The following ADGRL3 variants were observed in gnomAD, a reference collection of about 807,000 sequenced individuals.
ADGRL3 encodes the protein adhesion G protein-coupled receptor L3.
ADGRL3 carries 62 observed loss-of-function variants against 153.5 expected under a neutral mutation model. The ratio of observed to expected loss-of-function variants is 0.40; its 90% CI spans 0.33 to 0.50. The LOEUF is 0.50. Ranked by LOEUF, ADGRL3 falls within the 20% of genes least tolerant of loss-of-function variation. The pLI is 0.47. For synonymous variants in ADGRL3, 710 were observed against 672.5 expected (o/e 1.06, Z -0.86); for missense variants, 1,641 against 1,859.4 (o/e 0.88, Z 2.16).
chr4:61,662,848 A>G (rs1357014823), intron 5 of ADGRL3, among the ~76,000 whole-genome samples: 3 of 152,166 alleles, frequency 2.0e-5, no homozygotes, highest in Non-Finnish European at 4.4e-5. Context: ...CTGCCTGTGG[A>G]GAGGTGCTAC....
intron 17 of ADGRL3, among the ~76,000 whole-genome samples, chr4:61,972,154 T>G (rs1280796194): frequency 1.3e-5 from 2 of 152,122 alleles, no homozygotes; most frequent in Admixed American, 1.3e-4. Context: ...AGAAGCTCTT[T>G]AGTTTAATTA....
intron 5 of ADGRL3, among the ~76,000 whole-genome samples, chr4:61,597,995 A>G (rs2098996197): frequency 6.6e-6 from 1 of 152,164 alleles, no homozygotes; most frequent in African/African-American, 2.4e-5. Flanking sequence ...TTTTCTCTGC[A>G]GAATTTATCA....
intron 4 of ADGRL3, among the ~76,000 whole-genome samples, chr4:61,561,517 G>A (rs1007267686): frequency 2.0e-5 from 3 of 151,898 alleles, no homozygotes; most frequent in African/African-American, 4.9e-5. Context: ...GATTCAGGGG[G>A]CTGGGGAAGA....
chr4:61,395,797 A>T (rs1177956369), intron 2 of ADGRL3, among the ~76,000 whole-genome samples: 1 of 151,998 alleles, frequency 6.6e-6, no homozygotes, highest in Non-Finnish European at 1.5e-5. Flanking sequence ...ACTGGCATGG[A>T]CTTCAATAAA....
At chr4:61,884,419 C>A (rs955248882) in intron 9 of ADGRL3, among the ~76,000 whole-genome samples, 55 of 152,138 alleles carry the variant, frequency 3.6e-4, no homozygotes, top group African/African-American at 1.3e-3. Context: ...GATTATTTCA[C>A]ACTATTGTTT....
rs868230947 is a variant in ADGRL3, at chr4:61,609,920, T to C, written c.473+22480T>C. 1.1e-4 allele frequency among the ~76,000 whole-genome samples: 16 copies of C among 152,058 alleles called. No individual in the cohort carries two copies. In the Middle Eastern group the frequency reaches 0.031, roughly 291 times the overall value. Reference sequence around the variant, plus strand: ...CCCAAAGAAATTGAAATGAAAGATATATAATAGGTACCAAAGATGTGTCAT... The same window carrying C: ...CCCAAAGAAATTGAAATGAAAGATACATAATAGGTACCAAAGATGTGTCAT... On this transcript the variant is annotated intron_variant, in intron 5 of 26. Coordinates refer to ENST00000683033, the MANE Select transcript of ADGRL3 (RefSeq NM_001387552.1).
intron 5 of ADGRL3, among the ~76,000 whole-genome samples, chr4:61,669,613 A>C (rs535400910): frequency 1.3e-5 from 2 of 152,280 alleles, no homozygotes; most frequent in East Asian, 1.9e-4. Flanking sequence ...CCATCTTCTT[A>C]TATGAATCAT....
intron 5 of ADGRL3, among the ~76,000 whole-genome samples, chr4:61,636,678 A>G (rs1489856423): frequency 6.6e-6 from 1 of 151,874 alleles, no homozygotes; most frequent in East Asian, 1.9e-4. Context: ...ATTTCAGAGA[A>G]TCGTATGTAA....
chr4:61,849,057 C>CTTGTTATATCATAACA (rs1361585101), intron 9 of ADGRL3, among the ~76,000 whole-genome samples: 2 of 152,132 alleles, frequency 1.3e-5, no homozygotes, highest in African/African-American at 4.8e-5. Flanking sequence ...AAGTTATACA[C>CTTGTTATATCATAACA]AGTGAAGTTA....
intron 2 of ADGRL3, among the ~76,000 whole-genome samples, chr4:61,468,829 T>C (rs1238338029): frequency 6.6e-6 from 1 of 152,166 alleles, no homozygotes; most frequent in Non-Finnish European, 1.5e-5. Flanking sequence ...TTGTCTGCTT[T>C]AGTTTTATCG....
intron 1 of ADGRL3, among the ~76,000 whole-genome samples, chr4:61,242,413 A>G (rs1318262408): frequency 6.6e-6 from 1 of 152,054 alleles, no homozygotes; most frequent in Non-Finnish European, 1.5e-5. Context: ...GTGAATTGCC[A>G]CAAGGAAGCC....
At chr4:61,842,592 T>G (rs2098049598) in intron 9 of ADGRL3, among the ~76,000 whole-genome samples, 1 of 152,080 alleles carries the variant, frequency 6.6e-6, no homozygotes, top group Admixed American at 6.6e-5. Flanking sequence ...AAAAAGCATC[T>G]GGCTGAAACA....
At chr4:61,713,066 T>C (rs921006152) in intron 6 of ADGRL3, among the ~76,000 whole-genome samples, 1 of 152,164 alleles carries the variant, frequency 6.6e-6, no homozygotes, top group Non-Finnish European at 1.5e-5. Context: ...TGCATAAATA[T>C]GTAATGATAA....
At chr4:61,866,985 G>A (rs931176916) in intron 9 of ADGRL3, among the ~76,000 whole-genome samples, 2 of 152,030 alleles carry the variant, frequency 1.3e-5, no homozygotes, top group African/African-American at 2.4e-5. Context: ...GACCGTATAA[G>A]GATTATATTG....
chr4:62,063,464 C>CTTTTTTTTT, intron 25 of ADGRL3: 2 of 521,726 alleles, frequency 3.8e-6, no homozygotes, highest in Non-Finnish European at 6.9e-6. Flanking sequence ...CCTGATTGAC[C>CTTTTTTTTT]TTTTTTTTTT....
chr4:61,950,732 A>G (rs1038746802), intron 17 of ADGRL3, among the ~76,000 whole-genome samples: 4 of 152,192 alleles, frequency 2.6e-5, no homozygotes, highest in Admixed American at 1.3e-4. Context: ...TGGCACTAGT[A>G]AAGTGTGGAG....
At chr4:61,690,592 A>G (rs957739665) in intron 6 of ADGRL3, among the ~76,000 whole-genome samples, 1 of 152,156 alleles carries the variant, frequency 6.6e-6, no homozygotes, top group African/African-American at 2.4e-5. Flanking sequence ...CTTAACTCTT[A>G]GAGAACACAT....
At chr4:61,735,602 GA>G (rs892560550) in intron 8 of ADGRL3, among the ~76,000 whole-genome samples, 2 of 152,112 alleles carry the variant, frequency 1.3e-5, no homozygotes, top group African/African-American at 4.8e-5. Context: ...TTTGGTTAGT[GA>G]AAACTTTGTT....
chr4:61,478,573 T>G (rs1011285733), intron 2 of ADGRL3, among the ~76,000 whole-genome samples: 1 of 152,090 alleles, frequency 6.6e-6, no homozygotes, highest in Non-Finnish European at 1.5e-5. Flanking sequence ...ACATTTGTTT[T>G]TGGCTTCTGC....
Sources: allele counts gnomAD v4.1 joint callset (sites outside exome capture counted in the v4.1 genomes callset), GRCh38; gene constraint gnomAD v4.1.1; transcripts MANE v1.5; gene names NCBI Gene and HGNC (gene_info 2026-07-23, HGNC 2026-07-21).